Variants in LRFN2 observed in about 807,000 individuals in gnomAD.
LRFN2 encodes leucine rich repeat and fibronectin type III domain containing 2, also known as leucine-rich repeat and fibronectin type-III domain-containing protein 2.
A neutral mutation model predicts 37.3 loss-of-function variants in LRFN2; 18 were observed. The ratio of observed to expected loss-of-function variants is 0.48; its 90% CI spans 0.33 to 0.72. The LOEUF (loss-of-function observed/expected upper bound fraction) is 0.72, where lower values mean the gene tolerates loss of function less well. Ranked by LOEUF, LRFN2 falls within the 30% of genes least tolerant of loss-of-function variation. LRFN2 has a pLI of 0.02. For missense variants in LRFN2, 1,006 were observed against 1,060.7 expected (o/e 0.95, Z 0.72); for synonymous variants, 556 against 466.6 (o/e 1.19, Z -2.47).
In LRFN2 at chr6:40,431,847, C is replaced by T; in HGVS notation, c.1267G>A (p.Glu423Lys). 3 of 1,584,372 alleles carry T rather than the reference C, an allele frequency of 1.9e-6. No homozygotes were observed. The highest frequency in any genetic ancestry group is 2.4e-5 in the South Asian group (2 of 85,080). The part of the protein sequence containing the change: ...GGGEPPKSPP[E>K]RAVLVSEVTT... ...ACTTCAGACACAAGCACAGCCCGTT[C>T]CGGGGGGCTTTTGGGAGGCTCTCCG... The change falls in exon 2 of 3, where the codon GAA becomes AAA. Residue 423 changes from glutamate (E) to lysine (K), a missense_variant. Coordinates refer to ENST00000338305, the MANE Select transcript of LRFN2 (RefSeq NM_020737.3).
intron 1 of LRFN2, among the ~76,000 whole-genome samples, chr6:40,460,174 C>T (rs1764318322): frequency 6.6e-6 from 1 of 152,196 alleles, no homozygotes; most frequent in Non-Finnish European, 1.5e-5. Context: ...CTCCTACTGA[C>T]AGCAGGCCTG....
intron 1 of LRFN2, among the ~76,000 whole-genome samples, chr6:40,539,094 A>G (rs746426804): frequency 6.6e-6 from 1 of 151,882 alleles, no homozygotes; most frequent in Non-Finnish European, 1.5e-5. Flanking sequence ...CTCAGCCCCA[A>G]AACCATCCCC....
intron 1 of LRFN2, among the ~76,000 whole-genome samples, chr6:40,457,506 C>T (rs534662484): frequency 1.3e-5 from 2 of 152,052 alleles, no homozygotes; most frequent in South Asian, 2.1e-4. Flanking sequence ...GAGTCAGTGG[C>T]TCACACCTGT....
chr6:40,449,970 T>C (rs56788449), intron 1 of LRFN2, among the ~76,000 whole-genome samples: 1 of 152,184 alleles, frequency 6.6e-6, no homozygotes, highest in Non-Finnish European at 1.5e-5. Flanking sequence ...CTAACTGATA[T>C]GAATTTCCAA....
chr6:40,413,892 T>A (rs1486192589), intron 2 of LRFN2, among the ~76,000 whole-genome samples: 1 of 152,092 alleles, frequency 6.6e-6, no homozygotes, highest in Admixed American at 6.5e-5. Flanking sequence ...CTCATGGTGG[T>A]TCTGAGTGCC....
At chr6:40,583,668 C>T (rs887705973) in intron 1 of LRFN2, among the ~76,000 whole-genome samples, 5 of 152,170 alleles carry the variant, frequency 3.3e-5, no homozygotes, top group Non-Finnish European at 7.4e-5. Context: ...TGACCATTAG[C>T]ATCCTGTCTC....
chr6:40,489,408 T>A (rs973237310), intron 1 of LRFN2, among the ~76,000 whole-genome samples: 1 of 152,154 alleles, frequency 6.6e-6, no homozygotes, highest in Non-Finnish European at 1.5e-5. Context: ...AGGTGTGCGG[T>A]TAAGAAGAGG....
intron 1 of LRFN2, among the ~76,000 whole-genome samples, chr6:40,496,153 T>C (rs1765220090): frequency 1.3e-5 from 2 of 152,148 alleles, no homozygotes; most frequent in Admixed American, 1.3e-4. Context: ...CTAAGTCTCT[T>C]TGGCTCTACC....
chr6:40,555,954 AC>A (rs1766867229), intron 1 of LRFN2, among the ~76,000 whole-genome samples: 1 of 152,002 alleles, frequency 6.6e-6, no homozygotes, highest in East Asian at 1.9e-4. Context: ...TCTACTCAGA[AC>A]TCCTGAAGAA....
At chr6:40,541,800 G>A (rs1299108731) in intron 1 of LRFN2, among the ~76,000 whole-genome samples, 1 of 152,224 alleles carries the variant, frequency 6.6e-6, no homozygotes, top group Non-Finnish European at 1.5e-5. Context: ...CTCTGCCAGG[G>A]CAGCCACAGC....
At chr6:40,427,426 G>A (rs1035889342) in intron 2 of LRFN2, among the ~76,000 whole-genome samples, 1 of 152,194 alleles carries the variant, frequency 6.6e-6, no homozygotes, top group South Asian at 2.1e-4. Context: ...GAAACTCCTA[G>A]GACTTTTTCC....
chr6:40,572,626 T>C (rs1767209017), intron 1 of LRFN2, among the ~76,000 whole-genome samples: 1 of 152,230 alleles, frequency 6.6e-6, no homozygotes, highest in South Asian at 2.1e-4. Flanking sequence ...TTCCTGAACA[T>C]CATTTAGAAT....
At chr6:40,438,019 G>A (rs2113831436) in intron 1 of LRFN2, among the ~76,000 whole-genome samples, 1 of 152,336 alleles carries the variant, frequency 6.6e-6, no homozygotes, top group East Asian at 1.9e-4. Flanking sequence ...AGAGGTGTGT[G>A]GGGATCAGAA....
intron 1 of LRFN2, among the ~76,000 whole-genome samples, chr6:40,585,727 C>G (rs1767488497): frequency 6.6e-6 from 1 of 152,102 alleles, no homozygotes; most frequent in Non-Finnish European, 1.5e-5. Flanking sequence ...CTTTGCTCCT[C>G]CCCAGCAGCA....
chr6:40,555,229 C>T (rs13215937), intron 1 of LRFN2, among the ~76,000 whole-genome samples: 13,271 of 152,222 alleles, frequency 0.087, 761 homozygotes, highest in Non-Finnish European at 0.12. Context: ...TGCCCACTGC[C>T]CCTCCGGGAA....
intron 1 of LRFN2, among the ~76,000 whole-genome samples, chr6:40,492,910 G>C (rs926642604): frequency 2.0e-5 from 3 of 152,144 alleles, no homozygotes; most frequent in Admixed American, 6.5e-5. Flanking sequence ...TCTAGCAGTA[G>C]TGTGGTTGGT....
intron 2 of LRFN2, among the ~76,000 whole-genome samples, chr6:40,421,230 C>T (rs774663457): frequency 1.1e-4 from 16 of 152,226 alleles, no homozygotes; most frequent in African/African-American, 3.6e-4. Context: ...AATGCTTTGA[C>T]AGAATTGTGA....
chr6:40,568,943 C>A (rs1029401383), intron 1 of LRFN2, among the ~76,000 whole-genome samples: 1 of 152,136 alleles, frequency 6.6e-6, no homozygotes, highest in African/African-American at 2.4e-5. Flanking sequence ...AACTAAGACA[C>A]GCAGAGATCA....
At chr6:40,399,432 T>TC (rs1024383363) in intron 2 of LRFN2, among the ~76,000 whole-genome samples, 5 of 117,538 alleles carry the variant, frequency 4.3e-5, no homozygotes, top group African/African-American at 1.7e-4. Context: ...TTTTCTTTTT[T>TC]TTTTTCTTTT....
Sources: gnomAD v4.1 joint callset for allele counts (sites outside exome capture counted in the v4.1 genomes callset) on GRCh38, gnomAD v4.1.1 for gene constraint, MANE v1.5 for transcripts, NCBI Gene and HGNC (gene_info 2026-07-23, HGNC 2026-07-21) for gene names.